DIS3L2: variants seen among roughly 807,000 people sequenced by gnomAD.
DIS3L2 encodes the protein DIS3-like exonuclease 2.
DIS3L2 carries 34 observed loss-of-function variants against 97.5 expected under a neutral mutation model. That is an observed-to-expected ratio of 0.35 (90% confidence interval 0.27 to 0.46). The LOEUF is 0.46. Among genes scored for constraint, DIS3L2 ranks in the 20% least tolerant of loss-of-function variants. The pLI, the probability that DIS3L2 is intolerant of heterozygous loss-of-function variation, is 1.00. For missense variants in DIS3L2, 1,038 were observed against 1,146.0 expected (o/e 0.91, Z 1.36); for synonymous variants, 435 against 445.2 (o/e 0.98, Z 0.29).
chr2:232,191,104 G>C (rs1691607484), intron 9 of DIS3L2, among the ~76,000 whole-genome samples: 1 of 152,182 alleles, frequency 6.6e-6, no homozygotes, highest in Non-Finnish European at 1.5e-5. Flanking sequence ...AGGTGAAAAA[G>C]TGGGGATCCT....
At chr2:232,300,158 G>T in intron 14 of DIS3L2, 39 bp downstream of exon 14, 1 of 1,588,704 alleles carries the variant, frequency 6.3e-7, no homozygotes. Flanking sequence ...CTTCACATGT[G>T]TGCAGCAGTG....
chr2:232,283,876 G>A (rs141245713), intron 13 of DIS3L2, among the ~76,000 whole-genome samples: 1 of 152,260 alleles, frequency 6.6e-6, no homozygotes, highest in Non-Finnish European at 1.5e-5. Flanking sequence ...AAATGTACGT[G>A]TGTGACCAAA....
chr2:232,080,073 G>A (rs780878891), intron 5 of DIS3L2, among the ~76,000 whole-genome samples: 15 of 152,194 alleles, frequency 9.9e-5, no homozygotes, highest in African/African-American at 3.4e-4. Flanking sequence ...TTAATTCAGC[G>A]TGGCAATAAA....
At chr2:232,002,271 T>C (rs1693930448) in intron 1 of DIS3L2, among the ~76,000 whole-genome samples, 1 of 152,216 alleles carries the variant, frequency 6.6e-6, no homozygotes, top group Non-Finnish European at 1.5e-5. Flanking sequence ...TTTTGATTAC[T>C]GTAGGCTATA....
rs1305489832 is a variant in DIS3L2, at chr2:232,154,666, G to GC, written c.951-8790dup. Among the ~76,000 whole-genome samples the GC allele has an allele frequency of 2.2e-5, 3 of 134,686 alleles. No homozygotes were observed. The Admixed American group carries it at 2.3e-4, about 10-fold the overall frequency. 88.4% of individuals were successfully genotyped at this position (134,686 alleles called of 152,430 possible). A position where few individuals can be genotyped will look rare whatever the true frequency, so the allele number is the denominator to read the frequency against. On this transcript the variant is annotated intron_variant, in intron 8 of 20. Transcript: ENST00000325385. ...TACTGCTGTCTTTTTGTTTGTCTGTGCCCTGCCCCCAGAGGTGGAGCCTAC... is the reference window on the plus strand; with the variant it reads ...TACTGCTGTCTTTTTGTTTGTCTGTGCCCCTGCCCCCAGAGGTGGAGCCTAC...
intron 1 of DIS3L2, among the ~76,000 whole-genome samples, chr2:231,966,964 A>C (rs2106213131): frequency 6.6e-6 from 1 of 152,298 alleles, no homozygotes; most frequent in African/African-American, 2.4e-5. Context: ...TTACGTGACC[A>C]GTTATGTTGA....
At chr2:232,083,177 C>T (rs939522602) in intron 5 of DIS3L2, among the ~76,000 whole-genome samples, 10 of 151,868 alleles carry the variant, frequency 6.6e-5, no homozygotes, top group African/African-American at 1.7e-4. Flanking sequence ...CAAACCATGT[C>T]GCCTTCTCTT....
intron 9 of DIS3L2, among the ~76,000 whole-genome samples, chr2:232,203,344 T>A (rs1691947739): frequency 6.6e-6 from 1 of 152,188 alleles, no homozygotes; most frequent in African/African-American, 2.4e-5. Flanking sequence ...AAGTGGTCCC[T>A]GAACCACAGT....
At chr2:232,282,972 G>A (rs1222222293) in intron 13 of DIS3L2, among the ~76,000 whole-genome samples, 2 of 152,134 alleles carry the variant, frequency 1.3e-5, no homozygotes, top group Admixed American at 6.5e-5. Context: ...CAAAGAAAGA[G>A]GAAGAATAAC....
Position 232,199,329 on chromosome 2 carries a change from T to C in DIS3L2, c.1125-10997T>C, listed in dbSNP as rs542180305. On this transcript the variant is annotated intron_variant, in intron 9 of 20. Transcript: ENST00000325385. The stretch of plus-strand genomic sequence containing the variant: ...GGAGTCAGCTAATTCTTTGTGGCCA[T>C]GAAGGGCCTGAATTTTGAAGTTTCT... Among the ~76,000 whole-genome samples, 20 of 152,326 alleles carry C rather than the reference T, an allele frequency of 1.3e-4. No homozygotes were observed. The East Asian group carries it at 3.9e-3, about 29-fold the overall frequency.
chr2:231,967,595 T>G (rs1487371715), intron 1 of DIS3L2, among the ~76,000 whole-genome samples: 1 of 152,232 alleles, frequency 6.6e-6, no homozygotes, highest in Non-Finnish European at 1.5e-5. Context: ...TATGGCACAG[T>G]ATTAAACAAG....
At chr2:232,234,499 G>A (rs55836823) in intron 10 of DIS3L2, among the ~76,000 whole-genome samples, 1,792 of 152,242 alleles carry the variant, frequency 0.012, 17 homozygotes, top group Non-Finnish European at 0.017. Context: ...ACAGGCATGC[G>A]CCACCACACT....
At chr2:232,235,857 C>T (rs1471200242) in intron 10 of DIS3L2, among the ~76,000 whole-genome samples, 2 of 152,200 alleles carry the variant, frequency 1.3e-5, no homozygotes, top group African/African-American at 4.8e-5. Flanking sequence ...TTCAGTTCCT[C>T]GATCGCAGGG....
At chr2:232,334,598 G>A in intron 18 of DIS3L2, 33 bp from the exon 19 acceptor site, 1 of 1,601,354 alleles carries the variant, frequency 6.2e-7, no homozygotes, top group African/African-American at 1.3e-5. Context: ...GGCAGTGCCA[G>A]GAGGTGCCAT....
At chr2:231,989,177 A>T (rs1193822490) in intron 1 of DIS3L2, among the ~76,000 whole-genome samples, 2 of 152,168 alleles carry the variant, frequency 1.3e-5, no homozygotes, top group Non-Finnish European at 2.9e-5. Context: ...TCACAGCATG[A>T]AATTTGGATT....
At chr2:231,978,258 G>A (rs942782981) in intron 1 of DIS3L2, among the ~76,000 whole-genome samples, 4 of 152,154 alleles carry the variant, frequency 2.6e-5, no homozygotes, top group Admixed American at 1.3e-4. Context: ...CAAAATTATC[G>A]TTGCCATTGA....
intron 1 of DIS3L2, among the ~76,000 whole-genome samples, chr2:231,998,489 A>G (rs6745959): frequency 0.024 from 3,651 of 152,230 alleles, 141 homozygotes; most frequent in African/African-American, 0.082. Context: ...CAAAACTGAC[A>G]TGTTTTTCTT....
chr2:232,136,090 A>G (rs185836897), intron 7 of DIS3L2, among the ~76,000 whole-genome samples: 70 of 152,290 alleles, frequency 4.6e-4, no homozygotes, highest in African/African-American at 1.5e-3. Context: ...TTACTTTTGC[A>G]AAAAGCACCT....
chr2:232,021,100 T>A (rs915977029), intron 3 of DIS3L2, among the ~76,000 whole-genome samples: 1 of 152,264 alleles, frequency 6.6e-6, no homozygotes, highest in African/African-American at 2.4e-5. Flanking sequence ...TTAGCCCAGT[T>A]GTGTGGTGTT....
Sources: allele counts gnomAD v4.1 joint callset (sites outside exome capture counted in the v4.1 genomes callset), GRCh38; gene constraint gnomAD v4.1.1; transcripts MANE v1.5; gene names NCBI Gene and HGNC (gene_info 2026-07-23, HGNC 2026-07-21).